BNC1: variants seen among roughly 807,000 people sequenced by gnomAD.
BNC1 encodes the protein zinc finger protein basonuclin-1.
A neutral mutation model predicts 66.5 loss-of-function variants in BNC1; 8 were observed. The observed-to-expected ratio is 0.12, with a 90% CI of 0.07 to 0.22. BNC1 has a LOEUF of 0.22. Ranked by LOEUF, BNC1 falls within the 10% of genes least tolerant of loss-of-function variation. The pLI is 1.00. For synonymous variants in BNC1, 454 were observed against 452.6 expected, an observed-to-expected ratio of 1.00 and a Z score of -0.04; for missense variants, 1,069 against 1,241.3, an observed-to-expected ratio of 0.86 and a Z score of 2.09.
In BNC1 at chr15:83,257,652, C is replaced by T; in HGVS notation, c.2775G>A (p.Gly925=). ...ADQSLASLPS[G]LPITCHLCQK... ...GGCAGAGATGACAGGTTATGGGCAA[C>T]CCAGAAGGCAGGCTAGCAAGGCTCT... Residue 925 remains glycine (G), a synonymous_variant, in exon 5 of 5, where the codon GGG becomes GGA. Coordinates refer to ENST00000345382, the MANE Select transcript of BNC1 (RefSeq NM_001717.4). 6.2e-7 allele frequency: 1 copy of T among 1,614,076 alleles called. No homozygotes were observed. Among genetic ancestry groups the T allele is most frequent in the Non-Finnish European group, 8.5e-7 (1 of 1,180,018 alleles).
intron 1 of BNC1, among the ~76,000 whole-genome samples, chr15:83,269,438 T>C: frequency 6.6e-6 from 1 of 151,906 alleles, no homozygotes; most frequent in Non-Finnish European, 1.5e-5. Context: ...CGTGTGTGTG[T>C]GTGTGTGCGC....
chr15:83,257,317 A>G lies in BNC1; in HGVS notation c.*125T>C. On this transcript the variant is annotated 3_prime_UTR_variant, in exon 5 of 5. Coordinates refer to ENST00000345382, the MANE Select transcript of BNC1 (RefSeq NM_001717.4). ...TGCTCATTGTGCTGTGGAAAACTAT[A>G]AAGTCAAATCAAATACTTTTGCCTG... 5.3e-6 allele frequency: 6 copies of G among 1,141,644 alleles called. No individual in the cohort carries two copies. Among genetic ancestry groups the G allele is most frequent in the Non-Finnish European group, 7.5e-6 (6 of 799,680 alleles). The allele number at this position is 1,141,644 out of a possible 1,614,324, so 70.7% of individuals were successfully genotyped here.
chr15:83,271,664 C>T (rs1478213949), intron 1 of BNC1, among the ~76,000 whole-genome samples: 2 of 151,996 alleles, frequency 1.3e-5, no homozygotes, highest in African/African-American at 2.4e-5. Context: ...AAACCTATAT[C>T]GCAATGGTGT....
chr15:83,266,131 C>T (rs1263904375), intron 3 of BNC1, among the ~76,000 whole-genome samples: 1 of 152,052 alleles, frequency 6.6e-6, no homozygotes, highest in Admixed American at 6.5e-5. Flanking sequence ...AGCCTACACA[C>T]TCAGCATGAT....
intron 1 of BNC1, chr15:83,283,237 C>A: frequency 6.5e-7 from 1 of 1,535,666 alleles, no homozygotes; most frequent in Non-Finnish European, 8.7e-7. Context: ...CTCGGAGCTA[C>A]GCGCTGATTA....
At chr15:83,274,124 C>A (rs1210768874) in intron 1 of BNC1, among the ~76,000 whole-genome samples, 1 of 152,154 alleles carries the variant, frequency 6.6e-6, no homozygotes, top group Non-Finnish European at 1.5e-5. Context: ...GTGGCTCACG[C>A]CTGTAATCCC....
chr15:83,258,229 T>A lies in BNC1; in HGVS notation c.2301-103A>T, dbSNP rs1435122110. 3.7e-5 allele frequency: 45 copies of A among 1,224,920 alleles called. 2 individuals carry two copies. The East Asian group carries it at 1.0e-3, about 29-fold the overall frequency. The allele number at this position is 1,224,920 out of a possible 1,614,324, so 75.9% of individuals were successfully genotyped here. On this transcript the variant is annotated intron_variant, in intron 4 of 4. Coordinates refer to ENST00000345382, the MANE Select transcript of BNC1 (RefSeq NM_001717.4). ...TAGATACCAGGAAAAACATGTGGTATGGGAGCACCGATGATAAGGGGGTAG... is the reference window on the plus strand; with the variant it reads ...TAGATACCAGGAAAAACATGTGGTAAGGGAGCACCGATGATAAGGGGGTAG...
chr15:83,257,434 C>T lies in BNC1; in HGVS notation c.*8G>A, dbSNP rs747059949. Reference sequence around the variant, plus strand: ...AGCTTATCTGAGCATACTTGGTTTGCCATCTTGTTACTGGAGGTGACTTGG... The same window carrying T: ...AGCTTATCTGAGCATACTTGGTTTGTCATCTTGTTACTGGAGGTGACTTGG... On this transcript the variant is annotated 3_prime_UTR_variant, in exon 5 of 5. Transcript: ENST00000345382. 2 of 1,606,138 alleles carry T rather than the reference C, an allele frequency of 1.2e-6. No homozygotes were observed. The highest frequency in any genetic ancestry group is 1.3e-5 in the African/African-American group (1 of 74,698).
At chr15:83,262,891 T>C (rs2038160201) in intron 4 of BNC1, 60 bp downstream of exon 4, 4 of 1,464,422 alleles carry the variant, frequency 2.7e-6, no homozygotes, top group Admixed American at 4.5e-5. Context: ...GTGATTCTGA[T>C]GCATGTTAAA....
intron 4 of BNC1, among the ~76,000 whole-genome samples, chr15:83,260,116 T>C (rs919403794): frequency 6.6e-6 from 1 of 152,146 alleles, no homozygotes; most frequent in Admixed American, 6.5e-5. Flanking sequence ...TACTAAGATA[T>C]TATTTGCCTT....
At chr15:83,264,927 T>C in intron 3 of BNC1, 112 bp from the exon 4 acceptor site, 1 of 1,115,742 alleles carries the variant, frequency 9.0e-7, no homozygotes, top group Non-Finnish European at 1.3e-6. Flanking sequence ...AGGAAAAAGA[T>C]GAATGCAGGG....
In BNC1 at chr15:83,275,859, G is replaced by A. The variant is rs145248178; in HGVS notation, c.100-7627C>T. On this transcript the variant is annotated intron_variant, in intron 1 of 4. Transcript: ENST00000345382. ...CATAGGACCTTGTGGGGCAGGTGAA[G>A]GAGTCTGGATTTTAACAGTAAGCCT... 7.9e-5 allele frequency among the ~76,000 whole-genome samples: 12 copies of A among 152,062 alleles called. 1 individual carries two copies. The East Asian group carries it at 2.3e-3, about 29-fold the overall frequency.
intron 4 of BNC1, among the ~76,000 whole-genome samples, chr15:83,262,075 G>T (rs1430214677): frequency 1.5e-5 from 2 of 135,302 alleles, no homozygotes; most frequent in Non-Finnish European, 3.1e-5. Flanking sequence ...TTGAGACAGA[G>T]TCTCGCTCTG....
intron 1 of BNC1, among the ~76,000 whole-genome samples, chr15:83,275,953 G>A (rs1033068476): frequency 1.3e-5 from 2 of 152,046 alleles, no homozygotes; most frequent in African/African-American, 4.8e-5. Flanking sequence ...CAGGGCTGGG[G>A]AGCCCGAGCC....
In BNC1 at chr15:83,263,567, T is replaced by A; in HGVS notation, c.1684A>T (p.Ser562Cys). 6.2e-7 allele frequency: 1 copy of A among 1,614,270 alleles called. No homozygotes were observed. Among genetic ancestry groups the A allele is most frequent in the Non-Finnish European group, 8.5e-7 (1 of 1,180,054 alleles). ...TGTAGGGGCATGTCTTCATCTGAGC[T>A]GAGGTTGTGTCTTTTCTCATTAGCT... ...EIANEKRHNLSSDEDMPLQVV... is the reference protein window; with the variant it reads ...EIANEKRHNLCSDEDMPLQVV... Residue 562 changes from serine (S) to cysteine (C), a missense_variant, in exon 4 of 5, where the codon AGC (serine) becomes TGC (cysteine). Transcript: ENST00000345382.
intron 1 of BNC1, among the ~76,000 whole-genome samples, chr15:83,274,623 C>T (rs2038301648): frequency 6.6e-6 from 1 of 152,188 alleles, no homozygotes; most frequent in African/African-American, 2.4e-5. Context: ...TTAAACCTCA[C>T]TACAGTACTG....
In BNC1 at chr15:83,263,003, A is replaced by G; in HGVS notation, c.2248T>C (p.Cys750Arg). The G allele has an allele frequency of 6.2e-7, 1 of 1,614,136 alleles. No homozygotes were observed. Among genetic ancestry groups the G allele is most frequent in the South Asian group, 1.1e-5 (1 of 91,064 alleles). ...GTAGCATTACAGCCCTCCACTGTGC[A>G]TGTGTGCATTTCTTTGACATGCATA... ...KNMHVKEMHTCTVEGCNATFP... is the reference protein window; with the variant it reads ...KNMHVKEMHTRTVEGCNATFP... Residue 750 changes from cysteine to arginine, a missense_variant, in exon 4 of 5, where the codon TGC (cysteine) becomes CGC (arginine). Physicochemically the swap from Cys to Arg is radical, Grantham distance 180. Coordinates refer to ENST00000345382, the MANE Select transcript of BNC1 (RefSeq NM_001717.4).
In BNC1 at chr15:83,264,443, G is replaced by C; in HGVS notation, c.808C>G (p.His270Asp). Reference protein sequence around the residue: ...LPEQYMLEQGHDQSQDPKQEV... With the variant: ...LPEQYMLEQGDDQSQDPKQEV... ...TGTTTGGGGTCCTGACTTTGGTCAT[G>C]ACCCTGCTCCAACATATATTGTTCG... Residue 270 changes from histidine to aspartate, a missense_variant, in exon 4 of 5, where the codon CAT (histidine) becomes GAT (aspartate). His to Asp is a moderately conservative substitution (Grantham distance 81). This residue lies in a region of BNC1 where 181 missense variants were observed against 181.5 expected (regional missense o/e 1.00). Coordinates refer to ENST00000345382, the MANE Select transcript of BNC1 (RefSeq NM_001717.4). The C allele has an allele frequency of 6.2e-6, 10 of 1,614,200 alleles. No homozygotes were observed. The highest frequency in any genetic ancestry group is 8.5e-6 in the Non-Finnish European group (10 of 1,180,032).
At chr15:83,262,566 G>A (rs939525511) in intron 4 of BNC1, among the ~76,000 whole-genome samples, 9 of 151,856 alleles carry the variant, frequency 5.9e-5, no homozygotes, top group Non-Finnish European at 7.3e-5. Context: ...TTCAGGTCAG[G>A]TTTTGCAGCC....
Sources: gnomAD v4.1 joint callset for allele counts (sites outside exome capture counted in the v4.1 genomes callset) on GRCh38, gnomAD v4.1.1 for gene constraint, gnomAD v4.1.1 regional missense constraint, MANE v1.5 for transcripts, NCBI Gene and HGNC (gene_info 2026-07-23, HGNC 2026-07-21) for gene names.